Variants in PROSER1 observed in about 807,000 individuals in gnomAD.
PROSER1 encodes proline and serine rich 1, also known as proline and serine-rich protein 1.
Under a neutral mutation model 71.8 loss-of-function variants are expected in PROSER1, and 36 were observed. The observed-to-expected ratio is 0.50, with a 90% CI of 0.38 to 0.66. The LOEUF is 0.66. PROSER1 is among the 30% of genes least tolerant of loss of function. The pLI is 0.00. For missense variants in PROSER1, 1,107 were observed against 1,135.0 expected (o/e 0.98, Z 0.35); for synonymous variants, 490 against 452.4 (o/e 1.08, Z -1.06).
chr13:39,031,552 A>T lies in PROSER1; in HGVS notation c.180+11T>A, dbSNP rs1870842489. ...AATTCTACGTTCTGAAGGAAAAAAT[A>T]AGTTACTTACATGCTGTAATGCTTT... On this transcript the variant is annotated intron_variant, in intron 3 of 12. Coordinates refer to ENST00000352251, the MANE Select transcript of PROSER1 (RefSeq NM_025138.5). 1.3e-6 allele frequency: 2 copies of T among 1,581,186 alleles called. No individual in the cohort carries two copies. Among genetic ancestry groups the T allele is most frequent in the Admixed American group, 3.6e-5 (2 of 55,032 alleles).
At position 39,029,247 on chromosome 13, in the gene PROSER1, TAAAAAAA is replaced by T. The variant is rs34146778; in HGVS notation, c.275+27_275+33del. 7.5e-3 allele frequency: 5,512 copies of T among 734,000 alleles called. 4 individuals are homozygous for T. Among genetic ancestry groups the T allele is most frequent in the East Asian group, 0.013 (375 of 29,088 alleles). 45.5% of individuals were successfully genotyped at this position (734,000 alleles called of 1,614,324 possible). A position where few individuals can be genotyped will look rare whatever the true frequency, so the allele number is the denominator to read the frequency against. On this transcript the variant is annotated intron_variant, in intron 4 of 12. Coordinates refer to ENST00000352251, the MANE Select transcript of PROSER1 (RefSeq NM_025138.5). The stretch of plus-strand genomic sequence containing the variant: ...AAACGCTTCTACATTTTTTCCCAAG[TAAAAAAA>T]AAAAAAAAAAAAAAAGAAATACTTA...
At chr13:39,032,380 G>C (rs1870888970) in intron 2 of PROSER1, among the ~76,000 whole-genome samples, 1 of 152,112 alleles carries the variant, frequency 6.6e-6, no homozygotes, top group Non-Finnish European at 1.5e-5. Flanking sequence ...GCCAGTAAGA[G>C]GGGAGCACAG....
Position 39,032,922 on chromosome 13 carries a change from AT to A in PROSER1, c.111+1208del, listed in dbSNP as rs11405662. ...ATTATATATCTTTTTAAAACATTTA[AT>A]TTTTTTTTTTTTTTTGAGACAGAGT... On this transcript the variant is annotated intron_variant, in intron 2 of 12. Coordinates refer to ENST00000352251, the MANE Select transcript of PROSER1 (RefSeq NM_025138.5). Among the ~76,000 whole-genome samples, 770 of 144,978 alleles carry A rather than the reference AT, an allele frequency of 5.3e-3. 3 individuals carry two copies. The highest frequency in any genetic ancestry group is 0.012 in the Admixed American group (172 of 14,590).
intron 4 of PROSER1, 61 bp downstream of exon 4, chr13:39,029,216 CACTT>C (rs1159927879): frequency 1.2e-6 from 1 of 840,122 alleles, no homozygotes; most frequent in Non-Finnish European, 1.8e-6. Context: ...ACTAATTAGA[CACTT>C]AAAACGCTTC....
chr13:39,025,038 T>C (rs961851366), intron 6 of PROSER1, among the ~76,000 whole-genome samples: 3 of 152,168 alleles, frequency 2.0e-5, no homozygotes, highest in African/African-American at 7.2e-5. Context: ...TTATTGCTTT[T>C]TTTCGGAATA....
chr13:39,023,067 C>T lies in PROSER1; in HGVS notation c.628G>A (p.Ala210Thr). 1 of 1,612,156 alleles carries T rather than the reference C, an allele frequency of 6.2e-7. No individual in the cohort carries two copies. Among genetic ancestry groups the T allele is most frequent in the East Asian group, 2.2e-5 (1 of 44,866 alleles). The change falls in exon 8 of 13, where the codon GCA (alanine) becomes ACA (threonine). Residue 210 changes from alanine to threonine, a missense_variant. Ala to Thr is a moderately conservative substitution (Grantham distance 58). Coordinates refer to ENST00000352251, the MANE Select transcript of PROSER1 (RefSeq NM_025138.5). Reference sequence around the variant, plus strand: ...AACTCCTTACTTGGTGCAATAGTTGCATGTGGTCGGCATGGAGGTATCGGA... The same window carrying T: ...AACTCCTTACTTGGTGCAATAGTTGTATGTGGTCGGCATGGAGGTATCGGA... Reference protein sequence around the residue: ...PYPIPPCRPHATIAPSAYNNA... With the variant: ...PYPIPPCRPHTTIAPSAYNNA...
In PROSER1 at chr13:39,037,277, T is replaced by G. The variant is rs752141787; in HGVS notation, c.-35A>C. On this transcript the variant is annotated 5_prime_UTR_variant, in exon 1 of 13. Coordinates refer to ENST00000352251, the MANE Select transcript of PROSER1 (RefSeq NM_025138.5). ...TATCCCGACGTGGTTTTAACAGTTA[T>G]ACTTGCAATTAAAAGACGTTCATCC... 6.6e-7 allele frequency: 1 copy of G among 1,507,340 alleles called. No homozygotes were observed. Among genetic ancestry groups the G allele is most frequent in the Admixed American group, 1.7e-5 (1 of 59,916 alleles). 93.4% of individuals were successfully genotyped at this position (1,507,340 alleles called of 1,614,324 possible).
Position 39,023,142 on chromosome 13 carries a change from G to A in PROSER1, c.565-12C>T. ...TATGTTGAAGGAGGCTAAAACATGG[G>A]GGAAAATACAGCAGTTAGAAGAAAA... On this transcript the variant is annotated splice_polypyrimidine_tract_variant and intron_variant, in intron 7 of 12. Transcript: ENST00000352251. 6.3e-7 allele frequency: 1 copy of A among 1,599,094 alleles called. No homozygotes were observed. Among genetic ancestry groups the A allele is most frequent in the Non-Finnish European group, 8.6e-7 (1 of 1,166,844 alleles).
At chr13:39,031,004 A>T (rs1021150378) in intron 3 of PROSER1, among the ~76,000 whole-genome samples, 7 of 152,066 alleles carry the variant, frequency 4.6e-5, no homozygotes, top group Non-Finnish European at 8.8e-5. Flanking sequence ...TGCTTCAAAA[A>T]TCTTCCTACA....
intron 1 of PROSER1, among the ~76,000 whole-genome samples, chr13:39,036,968 G>C (rs1396288759): frequency 6.6e-6 from 1 of 152,166 alleles, no homozygotes; most frequent in Non-Finnish European, 1.5e-5. Flanking sequence ...CTTTACAAAT[G>C]TAATTCCCAC....
At chr13:39,031,218 AATTT>A (rs1455246274) in intron 3 of PROSER1, among the ~76,000 whole-genome samples, 1 of 152,204 alleles carries the variant, frequency 6.6e-6, no homozygotes, top group Non-Finnish European at 1.5e-5. Context: ...CATCGCTGAA[AATTT>A]ATTTGGACAG....
At chr13:39,022,036 G>A (rs928533837) in intron 9 of PROSER1, among the ~76,000 whole-genome samples, 2 of 152,022 alleles carry the variant, frequency 1.3e-5, no homozygotes, top group African/African-American at 4.8e-5. Flanking sequence ...ATGACTCTTT[G>A]TGCACCTCTG....
intron 1 of PROSER1, among the ~76,000 whole-genome samples, chr13:39,034,899 T>G (rs2138138869): frequency 6.6e-6 from 1 of 151,354 alleles, no homozygotes. Context: ...TTTCGGAATC[T>G]ATCAGTGGGT....
At chr13:39,028,593 T>G (rs1002802557) in intron 4 of PROSER1, among the ~76,000 whole-genome samples, 18 of 152,126 alleles carry the variant, frequency 1.2e-4, no homozygotes, top group Admixed American at 1.2e-3. Flanking sequence ...TCTTCAGTGA[T>G]AGTTAGGAGA....
At chr13:39,024,782 T>C (rs533101794) in intron 6 of PROSER1, among the ~76,000 whole-genome samples, 1 of 152,050 alleles carries the variant, frequency 6.6e-6, no homozygotes, top group Non-Finnish European at 1.5e-5. Context: ...TACTCAGAAG[T>C]GAACATGAAA....
At chr13:39,014,508 T>TTA (rs753632781) in intron 10 of PROSER1, 32 bp from the exon 11 acceptor site, 1 of 1,495,906 alleles carries the variant, frequency 6.7e-7, no homozygotes, top group Non-Finnish European at 9.1e-7. Context: ...GGCAAGAATG[T>TTA]ATCATCATGC....
intron 2 of PROSER1, among the ~76,000 whole-genome samples, chr13:39,032,854 C>G (rs776882589): frequency 1.3e-5 from 2 of 151,378 alleles, no homozygotes; most frequent in Non-Finnish European, 2.9e-5. Flanking sequence ...AAGGGTGGTA[C>G]ATCACATACA....
intron 4 of PROSER1, among the ~76,000 whole-genome samples, chr13:39,028,866 G>C (rs889994380): frequency 6.8e-6 from 1 of 147,844 alleles, no homozygotes. Flanking sequence ...CAGACTTTCT[G>C]ATATTTAAAG....
At chr13:39,029,195 C>T (rs906498432) in intron 4 of PROSER1, 86 bp downstream of exon 4, 3 of 701,412 alleles carry the variant, frequency 4.3e-6, no homozygotes, top group African/African-American at 4.1e-5. Context: ...TTGTTAGACA[C>T]ATTAACACAC....
Sources: allele counts gnomAD v4.1 joint callset (sites outside exome capture counted in the v4.1 genomes callset), GRCh38; gene constraint gnomAD v4.1.1; transcripts MANE v1.5; gene names NCBI Gene and HGNC (gene_info 2026-07-23, HGNC 2026-07-21).